BAALC: variants seen among roughly 807,000 people sequenced by gnomAD.
BAALC encodes brain and acute leukemia cytoplasmic protein.
Under a neutral mutation model 15.5 loss-of-function variants are expected in BAALC, and 9 were observed. The observed-to-expected ratio is 0.58, with a 90% CI of 0.35 to 1.02. BAALC has a LOEUF of 1.02. BAALC is among the 50% of genes least tolerant of loss of function. BAALC has a pLI of 0.02. For synonymous variants in BAALC, 80 were observed against 74.6 expected (o/e 1.07, Z -0.37); for missense variants, 201 against 192.4 (o/e 1.04, Z -0.27).
intron 1 of BAALC, among the ~76,000 whole-genome samples, chr8:103,157,265 C>T (rs1488505709): frequency 2.0e-5 from 3 of 152,088 alleles, no homozygotes; most frequent in South Asian, 2.1e-4. Flanking sequence ...TTTAATATAA[C>T]ATTTCAAACA....
chr8:103,169,079 A>G (rs1811417191), intron 1 of BAALC, among the ~76,000 whole-genome samples: 1 of 151,550 alleles, frequency 6.6e-6, no homozygotes, highest in South Asian at 2.1e-4. Flanking sequence ...TCAATTATGA[A>G]AACATTTTCT....
intron 1 of BAALC, among the ~76,000 whole-genome samples, chr8:103,178,633 C>T (rs532333883): frequency 8.5e-5 from 13 of 152,106 alleles, no homozygotes; most frequent in African/African-American, 2.2e-4. Context: ...CTGAGGTGGG[C>T]GGATCACAAG....
rs1346452087 is a variant in BAALC at position 103,141,039 on chromosome 8, G to A, written c.142G>A (p.Ala48Thr). ...SAAAPDSGPEAGGLHSGMLED... is the reference protein window; with the variant it reads ...SAAAPDSGPETGGLHSGMLED... ...CGCCGCCCCGGACAGCGGCCCCGAA[G>A]CGGGCGGCCTGCACTCGGGTAAGTG... Residue 48 changes from alanine (A) to threonine (T), a missense_variant, in exon 1 of 3, where the codon GCG (alanine) becomes ACG (threonine). By Grantham distance (58) the Ala-to-Thr change is moderately conservative. Coordinates refer to ENST00000309982, the MANE Select transcript of BAALC (RefSeq NM_024812.3). 5 of 1,503,930 alleles carry A rather than the reference G, an allele frequency of 3.3e-6. No individual in the cohort carries two copies. The highest frequency in any genetic ancestry group is 3.6e-6 in the Non-Finnish European group (4 of 1,126,458). 93.2% of individuals were successfully genotyped at this position (1,503,930 alleles called of 1,614,324 possible).
intron 1 of BAALC, among the ~76,000 whole-genome samples, chr8:103,207,499 T>C (rs1812357573): frequency 6.6e-6 from 1 of 152,140 alleles, no homozygotes; most frequent in Non-Finnish European, 1.5e-5. Flanking sequence ...CTTGTTAATG[T>C]AGATTCCTCT....
At chr8:103,190,314 T>C (rs998438785) in intron 1 of BAALC, among the ~76,000 whole-genome samples, 1 of 152,184 alleles carries the variant, frequency 6.6e-6, no homozygotes, top group Non-Finnish European at 1.5e-5. Flanking sequence ...CACATCTCTC[T>C]TAAATATCTC....
At chr8:103,177,171 TTG>T (rs1238342719) in intron 1 of BAALC, among the ~76,000 whole-genome samples, 50 of 67,848 alleles carry the variant, frequency 7.4e-4, no homozygotes, top group African/African-American at 1.7e-3. Context: ...GGGTTTTTTG[TTG>T]TTGTTGTTGT....
intron 1 of BAALC, among the ~76,000 whole-genome samples, chr8:103,163,218 G>T (rs372925101): frequency 1.3e-5 from 2 of 151,680 alleles, no homozygotes; most frequent in African/African-American, 4.8e-5. Context: ...CTCTTTTTTA[G>T]TTCCTCTTTC....
At chr8:103,168,812 CTT>C (rs1476655880) in intron 1 of BAALC, among the ~76,000 whole-genome samples, 1 of 152,052 alleles carries the variant, frequency 6.6e-6, no homozygotes, top group Non-Finnish European at 1.5e-5. Flanking sequence ...GGTTTGTTCT[CTT>C]GTTTGGCCAA....
At chr8:103,196,120 A>G (rs1378426730) in intron 1 of BAALC, among the ~76,000 whole-genome samples, 4 of 152,208 alleles carry the variant, frequency 2.6e-5, no homozygotes, top group Non-Finnish European at 5.9e-5. Flanking sequence ...TGGAGCATAG[A>G]GGACAGAGAG....
chr8:103,185,166 A>T (rs1432846071), intron 1 of BAALC, among the ~76,000 whole-genome samples: 1 of 151,974 alleles, frequency 6.6e-6, no homozygotes, highest in Non-Finnish European at 1.5e-5. Flanking sequence ...CGTAATTTGA[A>T]GCCTCAGCCA....
intron 1 of BAALC, among the ~76,000 whole-genome samples, chr8:103,189,526 A>C (rs946843025): frequency 6.6e-6 from 1 of 152,214 alleles, no homozygotes; most frequent in Non-Finnish European, 1.5e-5. Flanking sequence ...AAACTTGGAC[A>C]CTTGGAATAA....
intron 1 of BAALC, among the ~76,000 whole-genome samples, chr8:103,209,532 C>T (rs1280287788): frequency 6.6e-6 from 1 of 152,126 alleles, no homozygotes; most frequent in Non-Finnish European, 1.5e-5. Context: ...GCTTCAGACA[C>T]CCCTTGCCCC....
rs1407004577 is a variant in BAALC at position 103,141,073 on chromosome 8, C to T, written c.160+16C>T. 4 of 1,443,872 alleles carry T rather than the reference C, an allele frequency of 2.8e-6. No individual in the cohort carries two copies. The South Asian group carries it at 4.4e-5, about 16-fold the overall frequency. The allele number at this position is 1,443,872 out of a possible 1,614,324, so 89.4% of individuals were successfully genotyped here. A position where few individuals can be genotyped will look rare whatever the true frequency, so the allele number is the denominator to read the frequency against. On this transcript the variant is annotated intron_variant, in intron 1 of 2. Transcript: ENST00000309982. ...CTGCACTCGGGTAAGTGGCCGGGCC[C>T]CTGCAGACCCTCGCCCGCCCGCTAC...
chr8:103,161,147 C>T (rs1237211263), intron 1 of BAALC, among the ~76,000 whole-genome samples: 1 of 152,140 alleles, frequency 6.6e-6, no homozygotes, highest in East Asian at 1.9e-4. Flanking sequence ...ATTGGTCAAA[C>T]ATTTACATGG....
intron 2 of BAALC, 45 bp from the exon 3 acceptor site, chr8:103,227,944 G>T: frequency 7.2e-7 from 1 of 1,391,424 alleles, no homozygotes; most frequent in Non-Finnish European, 1.0e-6. Context: ...ATTTTCTTTG[G>T]TTTACATTTC....
intron 1 of BAALC, among the ~76,000 whole-genome samples, chr8:103,169,648 C>T (rs113799977): frequency 6.6e-6 from 1 of 152,146 alleles, no homozygotes; most frequent in African/African-American, 2.4e-5. Flanking sequence ...GCAGACTCTC[C>T]CAATTTCCTA....
At chr8:103,197,098 A>C (rs1812114124) in intron 1 of BAALC, among the ~76,000 whole-genome samples, 1 of 152,242 alleles carries the variant, frequency 6.6e-6, no homozygotes, top group Non-Finnish European at 1.5e-5. Flanking sequence ...TTAAAGCAAC[A>C]AACAAAAGGC....
chr8:103,212,311 G>T (rs1812465381), intron 1 of BAALC, among the ~76,000 whole-genome samples: 1 of 152,124 alleles, frequency 6.6e-6, no homozygotes, highest in African/African-American at 2.4e-5. Context: ...AGCTGGGCAT[G>T]GTGACACGTG....
chr8:103,227,964 CA>C, intron 2 of BAALC, 24 bp from the exon 3 acceptor site: 2 of 1,513,866 alleles, frequency 1.3e-6, no homozygotes, highest in South Asian at 2.3e-5. Flanking sequence ...CCTAGTAACT[CA>C]ATTCACTGTT....
Sources: allele counts gnomAD v4.1 joint callset (sites outside exome capture counted in the v4.1 genomes callset), GRCh38; gene constraint gnomAD v4.1.1; transcripts MANE v1.5; gene names NCBI Gene and HGNC (gene_info 2026-07-23, HGNC 2026-07-21).